The following STARD13 variants were observed in gnomAD, a reference collection of about 807,000 sequenced individuals.
STARD13 encodes stAR-related lipid transfer protein 13.
STARD13 carries 62 observed loss-of-function variants against 106.4 expected under a neutral mutation model. The ratio of observed to expected loss-of-function variants is 0.58; its 90% CI spans 0.48 to 0.72. The LOEUF (loss-of-function observed/expected upper bound fraction) is 0.72, where lower values mean the gene tolerates loss of function less well. Among genes scored for constraint, STARD13 ranks in the 30% least tolerant of loss-of-function variants. STARD13 has a pLI of 0.00. For missense variants in STARD13, 1,387 were observed against 1,424.0 expected (o/e 0.97, Z 0.42); for synonymous variants, 565 against 553.0 (o/e 1.02, Z -0.31).
At chr13:33,310,210 T>C (rs1410492523) in intron 1 of STARD13, among the ~76,000 whole-genome samples, 1 of 152,188 alleles carries the variant, frequency 6.6e-6, no homozygotes, top group Admixed American at 6.5e-5. Flanking sequence ...ATGGCCCTAA[T>C]TCCCCCTTTG....
chr13:33,296,462 T>C (rs977143732), intron 1 of STARD13, among the ~76,000 whole-genome samples: 4 of 151,240 alleles, frequency 2.6e-5, no homozygotes, highest in Non-Finnish European at 4.4e-5. Context: ...GTGGTGACAG[T>C]TGAGATCTAC....
the STARD13 span, among the ~76,000 whole-genome samples, chr13:33,660,158 A>G: frequency 7.6e-6 from 1 of 131,378 alleles, no homozygotes; most frequent in Non-Finnish European, 1.6e-5. Flanking sequence ...CAGCACAAGC[A>G]GAACCATGGT....
At chr13:33,635,008 G>C in the STARD13 span, among the ~76,000 whole-genome samples, 1 of 152,324 alleles carries the variant, frequency 6.6e-6, no homozygotes, top group South Asian at 2.1e-4. Flanking sequence ...TACTACCAAA[G>C]GGGAACATTT....
chr13:33,546,323 G>A, the STARD13 span, among the ~76,000 whole-genome samples: 1 of 152,040 alleles, frequency 6.6e-6, no homozygotes, highest in African/African-American at 2.4e-5. Context: ...GCTGTTAAAG[G>A]GGTCTTAGTT....
chr13:33,268,037 T>G (rs1042953222), intron 1 of STARD13, among the ~76,000 whole-genome samples: 2 of 152,226 alleles, frequency 1.3e-5, no homozygotes, highest in Admixed American at 1.3e-4. Context: ...CTTGAAATAT[T>G]AAGAGTAGGC....
chr13:33,464,037 A>ATATATATATG, the STARD13 span, among the ~76,000 whole-genome samples: 32 of 140,982 alleles, frequency 2.3e-4, no homozygotes, highest in Non-Finnish European at 4.0e-4. Context: ...ATATATATAT[A>ATATATATATG]TATATGTATA....
chr13:33,466,473 C>T, the STARD13 span, among the ~76,000 whole-genome samples: 1 of 152,252 alleles, frequency 6.6e-6, no homozygotes. Context: ...TGAGGTAAAT[C>T]CCAGACTTCA....
chr13:33,267,765 AG>A (rs1890968621), intron 1 of STARD13, among the ~76,000 whole-genome samples: 1 of 152,224 alleles, frequency 6.6e-6, no homozygotes, highest in Non-Finnish European at 1.5e-5. Context: ...AAGACTTAAA[AG>A]GCTGTCTTTG....
intron 3 of STARD13, among the ~76,000 whole-genome samples, chr13:33,162,401 C>A (rs184444482): frequency 3.7e-4 from 57 of 152,368 alleles, no homozygotes; most frequent in Admixed American, 3.1e-3. Context: ...TACCATTTGG[C>A]TCCTTGACAC....
chr13:33,261,683 T>C (rs965538418), intron 1 of STARD13, among the ~76,000 whole-genome samples: 1 of 152,216 alleles, frequency 6.6e-6, no homozygotes, highest in Non-Finnish European at 1.5e-5. Context: ...TATTTTTTAT[T>C]GTGGGTCATG....
At chr13:33,659,031 C>T in the STARD13 span, among the ~76,000 whole-genome samples, 2 of 152,056 alleles carry the variant, frequency 1.3e-5, no homozygotes, top group South Asian at 2.1e-4. Flanking sequence ...CTCTTTGCCC[C>T]CTTCCTCATA....
chr13:33,217,530 G>A (rs1428245891), intron 1 of STARD13, among the ~76,000 whole-genome samples: 2 of 152,220 alleles, frequency 1.3e-5, no homozygotes, highest in Non-Finnish European at 2.9e-5. Context: ...TGTGGTGCAA[G>A]CACACAGGGG....
chr13:33,267,360 G>A (rs1890946185), intron 1 of STARD13, among the ~76,000 whole-genome samples: 1 of 152,178 alleles, frequency 6.6e-6, no homozygotes. Context: ...AGAAGCTGAA[G>A]CAATGGAACA....
the STARD13 span, among the ~76,000 whole-genome samples, chr13:33,468,983 C>A: frequency 1.3e-5 from 2 of 152,090 alleles, no homozygotes; most frequent in Non-Finnish European, 2.9e-5. Flanking sequence ...GAATATTGCA[C>A]AAAAGTGAGC....
At chr13:33,357,892 C>G in the STARD13 span, among the ~76,000 whole-genome samples, 1 of 152,232 alleles carries the variant, frequency 6.6e-6, no homozygotes, top group Non-Finnish European at 1.5e-5. Context: ...TTTGAGGAGC[C>G]CTTCAGCCCC....
At chr13:33,619,843 A>G in the STARD13 span, among the ~76,000 whole-genome samples, 1 of 152,146 alleles carries the variant, frequency 6.6e-6, no homozygotes, top group African/African-American at 2.4e-5. Context: ...TCGGCCAATC[A>G]CTTTAGGTCA....
intron 1 of STARD13, among the ~76,000 whole-genome samples, chr13:33,275,014 G>T (rs754136266): frequency 6.6e-6 from 1 of 152,028 alleles, no homozygotes; most frequent in Admixed American, 6.6e-5. Context: ...TTCCTGCCAA[G>T]GACTGTCTCT....
At chr13:33,149,686 C>A (rs1881011590) in intron 3 of STARD13, among the ~76,000 whole-genome samples, 3 of 152,182 alleles carry the variant, frequency 2.0e-5, no homozygotes, top group Admixed American at 2.0e-4. Context: ...ATTTAGCTTA[C>A]ACAAGGTAAA....
chr13:33,579,974 G>A, the STARD13 span, among the ~76,000 whole-genome samples: 1 of 152,022 alleles, frequency 6.6e-6, no homozygotes, highest in Non-Finnish European at 1.5e-5. Context: ...AACGCAAAAT[G>A]GTATAGCTGC....
Sources: allele counts gnomAD v4.1 joint callset (sites outside exome capture counted in the v4.1 genomes callset), GRCh38; gene constraint gnomAD v4.1.1; transcripts MANE v1.5; gene names NCBI Gene and HGNC (gene_info 2026-07-23, HGNC 2026-07-21).